The following CDADC1 variants were observed in gnomAD, a reference collection of about 807,000 sequenced individuals.
CDADC1 encodes dCTP deaminase.
A neutral mutation model predicts 54.9 loss-of-function variants in CDADC1; 39 were observed. The observed-to-expected ratio is 0.71, with a 90% CI of 0.55 to 0.93. The LOEUF (loss-of-function observed/expected upper bound fraction) is 0.93. Among genes scored for constraint, CDADC1 ranks in the 40% least tolerant of loss-of-function variants. The pLI is 0.00. For missense variants in CDADC1, 518 were observed against 618.8 expected (o/e 0.84, Z 1.73); for synonymous variants, 186 against 204.0 (o/e 0.91, Z 0.75).
At position 49,292,198 on chromosome 13, in the gene CDADC1, G is replaced by C; in HGVS notation, c.*441G>C. On this transcript the variant is annotated 3_prime_UTR_variant, in exon 10 of 10. Coordinates refer to ENST00000251108, the MANE Select transcript of CDADC1 (RefSeq NM_030911.4). Reference sequence around the variant, plus strand: ...GGGAAATAAGTGTCATCTTTTAAGAGTCAGTGTATAGCAAACCAAAAGATC... The same window carrying C: ...GGGAAATAAGTGTCATCTTTTAAGACTCAGTGTATAGCAAACCAAAAGATC... The C allele has an allele frequency of 1.0e-6, 1 of 997,290 alleles. No individual in the cohort carries two copies. The allele number at this position is 997,290 out of a possible 1,614,324, so 61.8% of individuals were successfully genotyped here. A position where few individuals can be genotyped will look rare whatever the true frequency, so the allele number is the denominator to read the frequency against.
intron 2 of CDADC1, among the ~76,000 whole-genome samples, chr13:49,249,371 A>G (rs1952373525): frequency 6.6e-6 from 1 of 152,224 alleles, no homozygotes; most frequent in Non-Finnish European, 1.5e-5. Flanking sequence ...CTAGCATTAT[A>G]TGAGTGCTAA....
At chr13:49,279,908 C>T (rs1485771264) in intron 7 of CDADC1, among the ~76,000 whole-genome samples, 3 of 152,198 alleles carry the variant, frequency 2.0e-5, no homozygotes, top group Non-Finnish European at 4.4e-5. Context: ...TTACTTGCTT[C>T]ATTTTGTACA....
chr13:49,258,480 C>G (rs1165452784), intron 3 of CDADC1, among the ~76,000 whole-genome samples: 1 of 152,142 alleles, frequency 6.6e-6, no homozygotes, highest in Non-Finnish European at 1.5e-5. Context: ...GTTATACCAG[C>G]TTTGATTAGT....
rs1566356434 is a variant in CDADC1, at chr13:49,259,507, G to C, written c.414G>C (p.Leu138Phe). The C allele has an allele frequency of 6.2e-7, 1 of 1,613,706 alleles. No homozygotes were observed. The highest frequency in any genetic ancestry group is 8.5e-7 in the Non-Finnish European group (1 of 1,179,826). ...CCAGAAAACCATGTTCTGCTTGTTT[G>C]AAAATGATTGTAAATGGTAAGTGCA... Reference protein sequence around the residue: ...YFSRKPCSACLKMIVNAGVNR... With the variant: ...YFSRKPCSACFKMIVNAGVNR... Residue 138 changes from leucine to phenylalanine, a missense_variant, in exon 4 of 10, where the codon TTG (leucine) becomes TTC (phenylalanine). By Grantham distance (22) the Leu-to-Phe change is conservative. Coordinates refer to ENST00000251108, the MANE Select transcript of CDADC1 (RefSeq NM_030911.4).
intron 8 of CDADC1, among the ~76,000 whole-genome samples, chr13:49,281,227 A>G (rs1306654228): frequency 1.3e-5 from 2 of 152,184 alleles, no homozygotes; most frequent in Non-Finnish European, 2.9e-5. Flanking sequence ...CTGCCTTATG[A>G]ATTTACATCT....
At chr13:49,291,346 T>A (rs888697816) in intron 9 of CDADC1, among the ~76,000 whole-genome samples, 8 of 150,856 alleles carry the variant, frequency 5.3e-5, no homozygotes, top group Non-Finnish European at 1.2e-4. Flanking sequence ...AAAAAAAAAT[T>A]TTTTTTGTAG....
At chr13:49,279,904 G>T (rs982601238) in intron 7 of CDADC1, among the ~76,000 whole-genome samples, 1 of 152,132 alleles carries the variant, frequency 6.6e-6, no homozygotes, top group African/African-American at 2.4e-5. Context: ...AGATTTACTT[G>T]CTTCATTTTG....
intron 8 of CDADC1, among the ~76,000 whole-genome samples, chr13:49,282,820 A>G (rs1388615222): frequency 6.6e-6 from 1 of 152,248 alleles, no homozygotes; most frequent in Non-Finnish European, 1.5e-5. Flanking sequence ...TGCCCATGCA[A>G]GGGATCTAGG....
At chr13:49,271,661 G>T (rs748275560) in intron 5 of CDADC1, among the ~76,000 whole-genome samples, 1 of 151,634 alleles carries the variant, frequency 6.6e-6, no homozygotes, top group Non-Finnish European at 1.5e-5. Flanking sequence ...GATGCAAGAG[G>T]ACTGTGGAGC....
chr13:49,255,168 C>G (rs1226168148), intron 2 of CDADC1, among the ~76,000 whole-genome samples: 1 of 152,202 alleles, frequency 6.6e-6, no homozygotes, highest in African/African-American at 2.4e-5. Context: ...GGCTCATGGG[C>G]CCCTTCCATC....
At chr13:49,273,077 A>C (rs561003372) in intron 5 of CDADC1, among the ~76,000 whole-genome samples, 2 of 152,346 alleles carry the variant, frequency 1.3e-5, no homozygotes, top group African/African-American at 4.8e-5. Context: ...TATAATTTTG[A>C]AAACCAGGGT....
chr13:49,278,274 A>G (rs1255291393), intron 6 of CDADC1, 76 bp from the exon 7 acceptor site: 2 of 1,091,964 alleles, frequency 1.8e-6, no homozygotes, highest in East Asian at 5.1e-5. Flanking sequence ...AAAGTATGAT[A>G]GCAAGCTTCA....
intron 3 of CDADC1, among the ~76,000 whole-genome samples, chr13:49,257,309 A>G (rs570760719): frequency 1.3e-4 from 20 of 149,652 alleles, no homozygotes; most frequent in Middle Eastern, 3.5e-3. Flanking sequence ...GATAGGAACA[A>G]TTTTTTTTTT....
At chr13:49,290,709 C>T (rs1471685464) in intron 9 of CDADC1, among the ~76,000 whole-genome samples, 1 of 152,084 alleles carries the variant, frequency 6.6e-6, no homozygotes, top group Admixed American at 6.6e-5. Context: ...CTGGACTAAG[C>T]AAAATGGCTC....
chr13:49,286,282 A>T lies in CDADC1; in HGVS notation c.1471A>T (p.Asn491Tyr), dbSNP rs770646478. 1.2e-6 allele frequency: 2 copies of T among 1,610,112 alleles called. No homozygotes were observed. Among genetic ancestry groups the T allele is most frequent in the Non-Finnish European group, 1.7e-6 (2 of 1,176,380 alleles). ...ACAAAATGAGCCTGAAAGGAGAGAA[A>T]GTAAGTATTTATGTATTGAGGTGAA... ...LEQNEPERRE[N>Y]GVLRPVPQKE... The change falls in exon 9 of 10, where the codon AAT becomes TAT. Residue 491 changes from asparagine to tyrosine, a missense_variant and splice_region_variant. Coordinates refer to ENST00000251108, the MANE Select transcript of CDADC1 (RefSeq NM_030911.4).
chr13:49,293,481 G>C lies in CDADC1; in HGVS notation c.*1724G>C, dbSNP rs1194143121. The C allele has an allele frequency of 6.6e-6, 1 of 151,882 alleles. No homozygotes were observed. Among genetic ancestry groups the C allele is most frequent in the Non-Finnish European group, 1.5e-5 (1 of 68,022 alleles). The allele number at this position is 151,882 out of a possible 1,614,324, so 9.4% of individuals were successfully genotyped here. On this transcript the variant is annotated 3_prime_UTR_variant, in exon 10 of 10. Coordinates refer to ENST00000251108, the MANE Select transcript of CDADC1 (RefSeq NM_030911.4). ...AGATTTCAATAAATAATCATTGATG[G>C]TTTACTGTGTAGCCTCAGAAGGTGA...
At chr13:49,279,547 G>A (rs1953254349) in intron 7 of CDADC1, among the ~76,000 whole-genome samples, 1 of 152,176 alleles carries the variant, frequency 6.6e-6, no homozygotes. Context: ...GCTGGGACTG[G>A]ACTCGAGAGG....
Position 49,247,932 on chromosome 13 carries a change from C to A in CDADC1, c.-106C>A. 1.0e-5 allele frequency: 10 copies of A among 968,286 alleles called. No individual in the cohort carries two copies. Among genetic ancestry groups the A allele is most frequent in the Non-Finnish European group, 1.6e-5 (10 of 622,802 alleles). The allele number at this position is 968,286 out of a possible 1,614,324, so 60.0% of individuals were successfully genotyped here. A position where few individuals can be genotyped will look rare whatever the true frequency, so the allele number is the denominator to read the frequency against. On this transcript the variant is annotated 5_prime_UTR_variant, in exon 1 of 10. Transcript: ENST00000251108. ...CGTCATCTGGCTGCGCCTAGTGGGC[C>A]GTTGCCTTACAGTTGCTGAGAGGAG... is the stretch of plus-strand genomic sequence containing the variant.
chr13:49,268,076 G>A lies in CDADC1; in HGVS notation c.1000+17G>A, dbSNP rs1392998413. On this transcript the variant is annotated intron_variant, in intron 5 of 9. Coordinates refer to ENST00000251108, the MANE Select transcript of CDADC1 (RefSeq NM_030911.4). ...ATCGAACTGGTGAGTTACATAGATCGTAAATTGGGGCTGATTGGTTGGGTT... is the reference window on the plus strand; with the variant it reads ...ATCGAACTGGTGAGTTACATAGATCATAAATTGGGGCTGATTGGTTGGGTT... 3.2e-6 allele frequency: 5 copies of A among 1,571,142 alleles called. No homozygotes were observed. The highest frequency in any genetic ancestry group is 1.4e-5 in the African/African-American group (1 of 74,058).
Sources: allele counts gnomAD v4.1 joint callset (sites outside exome capture counted in the v4.1 genomes callset), GRCh38; gene constraint gnomAD v4.1.1; transcripts MANE v1.5; gene names NCBI Gene and HGNC (gene_info 2026-07-23, HGNC 2026-07-21).